Variants in CHN2 observed in about 807,000 individuals in gnomAD.
The protein encoded by CHN2 is chimerin 2.
In CHN2, 35 loss-of-function variants were observed where a neutral mutation model predicts 56.3. The observed-to-expected ratio is 0.62, with a 90% CI of 0.47 to 0.82. The LOEUF (loss-of-function observed/expected upper bound fraction) is 0.82, where lower values mean the gene tolerates loss of function less well. CHN2 is among the 40% of genes least tolerant of loss of function. The probability of loss-of-function intolerance (pLI) is 0.00; values close to 1 mark genes in which losing one functional copy is unlikely to be tolerated. For missense variants in CHN2, 491 were observed against 580.5 expected (o/e 0.85, Z 1.58); for synonymous variants, 210 against 212.8 (o/e 0.99, Z 0.12).
At chr7:29,316,439 G>A (rs1210534165) in intron 1 of CHN2, among the ~76,000 whole-genome samples, 1 of 152,114 alleles carries the variant, frequency 6.6e-6, no homozygotes, top group African/African-American at 2.4e-5. Context: ...GTTGATTATA[G>A]TGCATTTTAC....
At chr7:29,286,343 G>C (rs548658957) in intron 1 of CHN2, among the ~76,000 whole-genome samples, 1 of 151,918 alleles carries the variant, frequency 6.6e-6, no homozygotes, top group Admixed American at 6.6e-5. Flanking sequence ...GAATCTTTTT[G>C]GGGTATCTTA....
intron 1 of CHN2, among the ~76,000 whole-genome samples, chr7:29,254,936 G>A (rs1375810986): frequency 1.3e-5 from 2 of 152,198 alleles, no homozygotes; most frequent in Non-Finnish European, 1.5e-5. Flanking sequence ...ACCCTGTCTA[G>A]CACAGAAGTC....
chr7:29,476,969 G>T (rs1204591282), intron 6 of CHN2, among the ~76,000 whole-genome samples: 1 of 152,184 alleles, frequency 6.6e-6, no homozygotes, highest in Non-Finnish European at 1.5e-5. Context: ...AAGACGGTCA[G>T]CAAATGTATT....
intron 1 of CHN2, among the ~76,000 whole-genome samples, chr7:29,330,390 G>A (rs1796126654): frequency 1.3e-5 from 2 of 152,190 alleles, no homozygotes; most frequent in Non-Finnish European, 2.9e-5. Context: ...GTTGGGAATT[G>A]TTACCACTCT....
chr7:29,204,067 C>T (rs39051), intron 1 of CHN2, among the ~76,000 whole-genome samples: 2 of 128,758 alleles, frequency 1.6e-5, no homozygotes, highest in African/African-American at 6.1e-5. Context: ...TTCTCTCTCT[C>T]TGTGTGTGTG....
rs1288318077 is a variant in CHN2 at position 29,204,609 on chromosome 7, G to A, written c.49+9619G>A. Among the ~76,000 whole-genome samples, 3 of 152,060 alleles carry A rather than the reference G, an allele frequency of 2.0e-5. No homozygotes were observed. The East Asian group carries it at 5.8e-4, about 29-fold the overall frequency. ...CCCTTTGAGTTGTTAATTTCTGGTT[G>A]GGGTCCTGGTTAGCTCTAGCCAAAT... is the stretch of plus-strand genomic sequence containing the variant. On this transcript the variant is annotated intron_variant, in intron 1 of 12. Coordinates refer to ENST00000222792, the MANE Select transcript of CHN2 (RefSeq NM_004067.4).
chr7:29,351,967 C>G (rs145921255), intron 1 of CHN2, among the ~76,000 whole-genome samples: 1 of 152,118 alleles, frequency 6.6e-6, no homozygotes, highest in Non-Finnish European at 1.5e-5. Flanking sequence ...GGGTTGTTTA[C>G]GTAGCCCACA....
At chr7:29,461,581 C>A (rs1475985273) in intron 6 of CHN2, among the ~76,000 whole-genome samples, 1 of 152,132 alleles carries the variant, frequency 6.6e-6, no homozygotes, top group Admixed American at 6.5e-5. Context: ...GAGGAAGGGG[C>A]CTTCATGTTT....
chr7:29,445,531 T>A (rs563989218), intron 6 of CHN2, among the ~76,000 whole-genome samples: 5 of 152,336 alleles, frequency 3.3e-5, no homozygotes, highest in Non-Finnish European at 7.4e-5. Flanking sequence ...CAGTAAATGA[T>A]TAGCATAATA....
chr7:29,149,676 C>T (rs1384473502), intron 2 of CHN2, among the ~76,000 whole-genome samples: 1 of 152,128 alleles, frequency 6.6e-6, no homozygotes, highest in Non-Finnish European at 1.5e-5. Flanking sequence ...GCCAGCAGGG[C>T]CAGGTTCCCT....
At chr7:29,217,748 C>CCTAAG (rs1785451615) in intron 1 of CHN2, among the ~76,000 whole-genome samples, 2 of 152,060 alleles carry the variant, frequency 1.3e-5, no homozygotes, top group Non-Finnish European at 2.9e-5. Context: ...TGCACATGCT[C>CCTAAG]CTAAGGATAT....
At chr7:29,258,927 T>C (rs1433260001) in intron 1 of CHN2, among the ~76,000 whole-genome samples, 1 of 152,052 alleles carries the variant, frequency 6.6e-6, no homozygotes, top group African/African-American at 2.4e-5. Context: ...GTGCCATTAT[T>C]GTAATCCCAA....
At chr7:29,292,289 G>GGAA (rs1792697923) in intron 1 of CHN2, among the ~76,000 whole-genome samples, 2 of 152,094 alleles carry the variant, frequency 1.3e-5, no homozygotes, top group South Asian at 4.1e-4. Flanking sequence ...AAATACTTAG[G>GGAA]GAAGCTGGAG....
At chr7:29,240,217 G>T (rs1240736436) in intron 1 of CHN2, among the ~76,000 whole-genome samples, 9 of 152,208 alleles carry the variant, frequency 5.9e-5, no homozygotes, top group Non-Finnish European at 1.0e-4. Context: ...TGTCCCCTGA[G>T]CCTGGCCCCC....
In CHN2 at chr7:29,308,170, T is replaced by G. The variant is rs548183619; in HGVS notation, c.50-46455T>G. ...CCTGCTTTTTCTCTCCTTCCTGTCTTTCCAGCCTTACCTTATGTTACGCTG... is the reference window on the plus strand; with the variant it reads ...CCTGCTTTTTCTCTCCTTCCTGTCTGTCCAGCCTTACCTTATGTTACGCTG... On this transcript the variant is annotated intron_variant, in intron 1 of 12. Transcript: ENST00000222792. Among the ~76,000 whole-genome samples the G allele has an allele frequency of 2.0e-5, 3 of 152,334 alleles. No homozygotes were observed. The South Asian group carries it at 6.2e-4, about 32-fold the overall frequency.
chr7:29,195,595 C>CGAGAGAGAGAGAGAGAGAGAGAGAGAGA (rs757764659), intron 1 of CHN2: 14 of 96,116 alleles, frequency 1.5e-4, no homozygotes, highest in African/African-American at 2.8e-4. Flanking sequence ...GGCACATTTA[C>CGAGAGAGAGAGAGAGAGAGAGAGAGAGA]GAGAGAGAGA....
At chr7:29,164,779 CA>C (rs55742522) in intron 2 of CHN2, among the ~76,000 whole-genome samples, 38,353 of 85,776 alleles carry the variant, frequency 0.45, 5,286 homozygotes, top group East Asian at 0.67. Flanking sequence ...AGACCTGTCT[CA>C]AAAAAAAAAA....
At chr7:29,249,607 C>T (rs935245168) in intron 1 of CHN2, among the ~76,000 whole-genome samples, 3 of 152,228 alleles carry the variant, frequency 2.0e-5, no homozygotes, top group African/African-American at 7.2e-5. Context: ...GCTAGGTTGT[C>T]CTGCGGCCTT....
intron 6 of CHN2, among the ~76,000 whole-genome samples, chr7:29,425,177 C>T (rs1309879904): frequency 1.3e-5 from 2 of 152,202 alleles, no homozygotes; most frequent in Non-Finnish European, 2.9e-5. Flanking sequence ...AGCCCCCCTG[C>T]GGTTGGGTGA....
Sources: gnomAD v4.1 joint callset for allele counts (sites outside exome capture counted in the v4.1 genomes callset) on GRCh38, gnomAD v4.1.1 for gene constraint, MANE v1.5 for transcripts, NCBI Gene and HGNC (gene_info 2026-07-23, HGNC 2026-07-21) for gene names.